Variants in OCA2 observed in about 807,000 individuals in gnomAD.
The protein encoded by OCA2 is OCA2 melanosomal transmembrane protein, also known as P protein.
In OCA2, 77 loss-of-function variants were observed where a neutral mutation model predicts 100.2. The ratio of observed to expected loss-of-function variants is 0.77; its 90% CI spans 0.64 to 0.93. OCA2 has a LOEUF of 0.93. Among genes scored for constraint, OCA2 ranks in the 40% least tolerant of loss-of-function variants. The pLI is 0.00. For synonymous variants in OCA2, 432 were observed against 439.2 expected (o/e 0.98, Z 0.21); for missense variants, 1,062 against 1,089.1 (o/e 0.98, Z 0.35).
intron 23 of OCA2, among the ~76,000 whole-genome samples, chr15:27,762,285 T>C (rs971693526): frequency 3.9e-5 from 6 of 152,128 alleles, no homozygotes; most frequent in African/African-American, 1.4e-4. Context: ...TCCACTATGG[T>C]ATTTTTCCAT....
rs56237249 is a variant in OCA2 at position 27,815,510 on chromosome 15, G to A, written c.2432+29449C>T. ...CTGTATTCATACCTCCTGGGGCAAGGTGAATCACTGCAACTTATTGAAAGG... is the reference window on the plus strand; with the variant it reads ...CTGTATTCATACCTCCTGGGGCAAGATGAATCACTGCAACTTATTGAAAGG... On this transcript the variant is annotated intron_variant, in intron 23 of 23. Coordinates refer to ENST00000354638, the MANE Select transcript of OCA2 (RefSeq NM_000275.3). Among the ~76,000 whole-genome samples the A allele has an allele frequency of 1.2e-3, 177 of 152,298 alleles. 1 individual carries two copies. The highest frequency in any genetic ancestry group is 3.8e-3 in the African/African-American group (157 of 41,556).
intron 23 of OCA2, among the ~76,000 whole-genome samples, chr15:27,797,406 G>A (rs1327850533): frequency 6.6e-6 from 1 of 152,186 alleles, no homozygotes; most frequent in Non-Finnish European, 1.5e-5. Context: ...GATGTTGGCT[G>A]TGCTAGACCT....
chr15:28,011,476 T>A lies in OCA2; in HGVS notation c.1044+3300A>T, dbSNP rs140651152. On this transcript the variant is annotated intron_variant, in intron 9 of 23. Coordinates refer to ENST00000354638, the MANE Select transcript of OCA2 (RefSeq NM_000275.3). ...GACTGAAACCTCATCTCAAAGAAAA[T>A]AATAATAATAATAAAACTAACTCAA... Among the ~76,000 whole-genome samples, 542 of 146,120 alleles carry A rather than the reference T, an allele frequency of 3.7e-3. 6 individuals carry two copies. The highest frequency in any genetic ancestry group is 0.013 in the African/African-American group (525 of 39,318).
At position 28,070,478 on chromosome 15, in the gene OCA2, C is replaced by A. The variant is rs1471071150; in HGVS notation, c.227+11170G>T. ...CCCCCACCCGGCCAGCCGCCCAGTCCGGGAGGGAGGTGGGGGGGTCAGCCC... is the reference window on the plus strand; with the variant it reads ...CCCCCACCCGGCCAGCCGCCCAGTCAGGGAGGGAGGTGGGGGGGTCAGCCC... On this transcript the variant is annotated intron_variant, in intron 2 of 23. Coordinates refer to ENST00000354638, the MANE Select transcript of OCA2 (RefSeq NM_000275.3). Among the ~76,000 whole-genome samples, 16 of 123,208 alleles carry A rather than the reference C, an allele frequency of 1.3e-4. 1 individual carries two copies. Among genetic ancestry groups the A allele is most frequent in the Non-Finnish European group, 2.3e-4 (15 of 64,050 alleles). 80.8% of individuals were successfully genotyped at this position (123,208 alleles called of 152,430 possible). A position where few individuals can be genotyped will look rare whatever the true frequency, so the allele number is the denominator to read the frequency against.
chr15:27,883,505 T>A (rs2037105111), intron 19 of OCA2, among the ~76,000 whole-genome samples: 2 of 152,236 alleles, frequency 1.3e-5, no homozygotes, highest in South Asian at 4.1e-4. Flanking sequence ...CTACTGTTCC[T>A]GTGTCCAATC....
At chr15:27,925,283 A>G (rs1257370155) in intron 19 of OCA2, among the ~76,000 whole-genome samples, 4 of 152,212 alleles carry the variant, frequency 2.6e-5, no homozygotes, top group African/African-American at 9.6e-5. Flanking sequence ...GCAGCAGAAT[A>G]CACATCACAA....
intron 23 of OCA2, among the ~76,000 whole-genome samples, chr15:27,822,228 C>T (rs889285406): frequency 7.9e-5 from 12 of 152,292 alleles, no homozygotes; most frequent in African/African-American, 2.6e-4. Context: ...AATCACTATC[C>T]TATTTTCTAA....
At chr15:27,813,215 A>G (rs2034149504) in intron 23 of OCA2, among the ~76,000 whole-genome samples, 1 of 152,080 alleles carries the variant, frequency 6.6e-6, no homozygotes, top group Non-Finnish European at 1.5e-5. Flanking sequence ...GACCACCGTC[A>G]CCCAGCTACT....
Position 27,956,908 on chromosome 15 carries a change from G to C in OCA2, c.1784+680C>G, listed in dbSNP as rs554680249. Among the ~76,000 whole-genome samples, 134 of 152,308 alleles carry C rather than the reference G, an allele frequency of 8.8e-4. 1 individual carries two copies. Among genetic ancestry groups the C allele is most frequent in the African/African-American group, 3.2e-3 (131 of 41,576 alleles). Reference sequence around the variant, plus strand: ...AACAGGCAAGACCATTCTAGATTTTGTTCATAAGGGTTCACATTTCCCCTT... The same window carrying C: ...AACAGGCAAGACCATTCTAGATTTTCTTCATAAGGGTTCACATTTCCCCTT... On this transcript the variant is annotated intron_variant, in intron 16 of 23. Coordinates refer to ENST00000354638, the MANE Select transcript of OCA2 (RefSeq NM_000275.3).
intron 23 of OCA2, among the ~76,000 whole-genome samples, chr15:27,809,743 C>A (rs369530225): frequency 6.6e-6 from 1 of 152,114 alleles, no homozygotes; most frequent in Non-Finnish European, 1.5e-5. Context: ...AGAATCAAAT[C>A]AAGAACTCAA....
intron 2 of OCA2, among the ~76,000 whole-genome samples, chr15:28,040,422 A>G (rs1014245112): frequency 6.6e-6 from 1 of 152,252 alleles, no homozygotes; most frequent in Non-Finnish European, 1.5e-5. Context: ...ATCACAAATT[A>G]GCAACCTAAT....
At chr15:28,021,885 G>A (rs1032875891) in intron 6 of OCA2, among the ~76,000 whole-genome samples, 29 of 152,120 alleles carry the variant, frequency 1.9e-4, no homozygotes, top group Admixed American at 9.2e-4. Context: ...CAGGGCGCCC[G>A]GTAATTCTGA....
intron 23 of OCA2, among the ~76,000 whole-genome samples, chr15:27,767,775 G>A (rs952067334): frequency 6.6e-6 from 1 of 152,176 alleles, no homozygotes; most frequent in African/African-American, 2.4e-5. Context: ...GGACAAATAA[G>A]CAAATAAAAG....
chr15:28,077,589 G>C (rs1190087587), intron 2 of OCA2, among the ~76,000 whole-genome samples: 5 of 152,182 alleles, frequency 3.3e-5, no homozygotes, highest in African/African-American at 1.2e-4. Flanking sequence ...GACAAGGGTT[G>C]AGGTGCCCAG....
At chr15:28,066,175 G>A (rs72712700) in intron 2 of OCA2, among the ~76,000 whole-genome samples, 12,411 of 152,202 alleles carry the variant, frequency 0.082, 552 homozygotes, top group African/African-American at 0.11. Context: ...GAGTCACTTG[G>A]AGATAAATCT....
At chr15:27,821,842 C>T (rs2034520791) in intron 23 of OCA2, among the ~76,000 whole-genome samples, 1 of 152,106 alleles carries the variant, frequency 6.6e-6, no homozygotes, top group African/African-American at 2.4e-5. Context: ...TACACATGCT[C>T]GCATATGCAC....
intron 18 of OCA2, among the ~76,000 whole-genome samples, chr15:27,927,834 C>T (rs1304489996): frequency 4.4e-5 from 6 of 137,610 alleles, no homozygotes; most frequent in African/African-American, 1.6e-4. Flanking sequence ...CTCTGTGGCC[C>T]AGGCTGGAGT....
In OCA2 at chr15:27,985,114, G is replaced by A. The variant is rs752142653; in HGVS notation, c.1314C>T (p.Ala438=). 1 of 1,614,064 alleles carries A rather than the reference G, an allele frequency of 6.2e-7. No homozygotes were observed. The highest frequency in any genetic ancestry group is 8.5e-7 in the Non-Finnish European group (1 of 1,179,984). ...MLCLIAAVLS[A]FLDNVTTMLL... ...GCATGGTGGTGACGTTGTCCAAGAAGGCAGAGAGGACGGCCGCGATGAGAC... is the reference window on the plus strand; with the variant it reads ...GCATGGTGGTGACGTTGTCCAAGAAAGCAGAGAGGACGGCCGCGATGAGAC... Residue 438 remains alanine, a synonymous_variant, in exon 13 of 24, where the codon GCC becomes GCT. Transcript: ENST00000354638.
chr15:27,802,714 C>G (rs905578084), intron 23 of OCA2, among the ~76,000 whole-genome samples: 2 of 152,126 alleles, frequency 1.3e-5, no homozygotes, highest in African/African-American at 4.8e-5. Context: ...CCAAATACCC[C>G]TCCCACACCC....
Sources: gnomAD v4.1 joint callset for allele counts (sites outside exome capture counted in the v4.1 genomes callset) on GRCh38, gnomAD v4.1.1 for gene constraint, MANE v1.5 for transcripts, NCBI Gene and HGNC (gene_info 2026-07-23, HGNC 2026-07-21) for gene names.